The following PIKFYVE variants were observed in gnomAD, a reference collection of about 807,000 sequenced individuals.
PIKFYVE encodes phosphoinositide kinase, FYVE-type zinc finger containing.
PIKFYVE carries 122 observed loss-of-function variants against 257.9 expected under a neutral mutation model. That is an observed-to-expected ratio of 0.47 (90% CI 0.41 to 0.55). PIKFYVE has a LOEUF of 0.55. PIKFYVE is among the 20% of genes least tolerant of loss of function. The pLI, the probability that PIKFYVE is intolerant of heterozygous loss-of-function variation, is 0.00. For missense variants in PIKFYVE, 2,160 were observed against 2,536.6 expected, an observed-to-expected ratio of 0.85 and a Z score of 3.19; for synonymous variants, 892 against 868.9, an observed-to-expected ratio of 1.03 and a Z score of -0.47.
At chr2:208,300,316 A>G (rs1236652019) in intron 8 of PIKFYVE, among the ~76,000 whole-genome samples, 1 of 152,190 alleles carries the variant, frequency 6.6e-6, no homozygotes, top group Non-Finnish European at 1.5e-5. Flanking sequence ...CAGAGGTAAG[A>G]ATAAGCATGA....
chr2:208,317,966 A>C (rs1574600431), intron 16 of PIKFYVE, 25 bp downstream of exon 16: 1 of 1,192,666 alleles, frequency 8.4e-7, no homozygotes, highest in African/African-American at 2.1e-5. Flanking sequence ...TTCAGCAGTG[A>C]AGTTCAGCAA....
intron 21 of PIKFYVE, 85 bp from the exon 22 acceptor site, chr2:208,329,757 A>G: frequency 6.4e-7 from 1 of 1,562,422 alleles, no homozygotes; most frequent in Non-Finnish European, 8.7e-7. Flanking sequence ...CCATACATTT[A>G]ATAGGTAATC....
In PIKFYVE at chr2:208,324,978, C is replaced by T. The variant is rs775049568; in HGVS notation, c.2399C>T (p.Thr800Met). Residue 800 changes from threonine (T) to methionine (M), a missense_variant, in exon 19 of 42, where the codon ACG becomes ATG. Physicochemically the swap from Thr to Met is moderately conservative, Grantham distance 81. Coordinates refer to ENST00000264380, the MANE Select transcript of PIKFYVE (RefSeq NM_015040.4). Reference protein sequence around the residue: ...DLVMSMDQLLTKPHLGTCHKF... With the variant: ...DLVMSMDQLLMKPHLGTCHKF... ...GTGATGTCAATGGACCAGCTGCTTACGAAACCACACCTGGGCACTTGTCAC... is the reference window on the plus strand; with the variant it reads ...GTGATGTCAATGGACCAGCTGCTTATGAAACCACACCTGGGCACTTGTCAC... The T allele has an allele frequency of 1.4e-5, 22 of 1,614,050 alleles. No individual in the cohort carries two copies. The highest frequency in any genetic ancestry group is 4.5e-5 in the East Asian group (2 of 44,872).
Position 208,333,220 on chromosome 2 carries a change from C to T in PIKFYVE, c.3964-95C>T, listed in dbSNP as rs113942951. On this transcript the variant is annotated intron_variant, in intron 23 of 41. Transcript: ENST00000264380. ...CTGCACTCCAGCCTGGGTGACAGAG[C>T]GAGACTCCATCTCAAAAAAAAAAAA... The T allele has an allele frequency of 6.0e-3, 7,647 of 1,277,666 alleles. 323 individuals carry two copies. The African/African-American group carries it at 0.1, about 17-fold the overall frequency. The allele number at this position is 1,277,666 out of a possible 1,614,324, so 79.1% of individuals were successfully genotyped here. A position where few individuals can be genotyped will look rare whatever the true frequency, so the allele number is the denominator to read the frequency against.
chr2:208,269,577 GA>G, intron 1 of PIKFYVE: 1 of 284,742 alleles, frequency 3.5e-6, no homozygotes, highest in Non-Finnish European at 7.1e-6. Flanking sequence ...GCATGGGCAG[GA>G]AAGTCTTGAA....
chr2:208,319,682 A>G (rs1419320093), intron 16 of PIKFYVE, among the ~76,000 whole-genome samples: 1 of 152,206 alleles, frequency 6.6e-6, no homozygotes, highest in Non-Finnish European at 1.5e-5. Context: ...GGCTTTAAGC[A>G]CACGATTAGG....
intron 30 of PIKFYVE, 94 bp downstream of exon 30, chr2:208,339,649 C>T: frequency 6.8e-7 from 1 of 1,466,664 alleles, no homozygotes; most frequent in East Asian, 2.4e-5. Flanking sequence ...TCTCTAAGGA[C>T]AGATATTTGC....
intron 28 of PIKFYVE, among the ~76,000 whole-genome samples, chr2:208,338,219 T>G (rs1369071410): frequency 6.6e-6 from 1 of 152,130 alleles, no homozygotes; most frequent in Non-Finnish European, 1.5e-5. Flanking sequence ...TTTTTTTAAA[T>G]TTTAGAAAAT....
At chr2:208,301,222 T>C in intron 9 of PIKFYVE, 128 bp downstream of exon 9, 1 of 1,209,884 alleles carries the variant, frequency 8.3e-7, no homozygotes, top group Non-Finnish European at 1.2e-6. Context: ...AATTGATGGT[T>C]TAGGGTGCTA....
rs779366449 is a variant in PIKFYVE, at chr2:208,304,955, C to A, written c.1578C>A (p.Phe526Leu). ...SLNVELDNVN[F>L]HIKKPSKYPH... Reference sequence around the variant, plus strand: ...ACGTGGAGCTGGACAACGTGAACTTCCATATCAAGAAGCCCTCCAAGTACC... The same window carrying A: ...ACGTGGAGCTGGACAACGTGAACTTACATATCAAGAAGCCCTCCAAGTACC... The change falls in exon 12 of 42, where the codon TTC (phenylalanine) becomes TTA (leucine). Residue 526 changes from phenylalanine to leucine, a missense_variant. Physicochemically the swap from Phe to Leu is conservative, Grantham distance 22. This residue lies in a region of PIKFYVE where 346 missense variants were observed against 365.6 expected (regional missense o/e 0.95). Coordinates refer to ENST00000264380, the MANE Select transcript of PIKFYVE (RefSeq NM_015040.4). 1 of 1,614,116 alleles carries A rather than the reference C, an allele frequency of 6.2e-7. No individual in the cohort carries two copies. The highest frequency in any genetic ancestry group is 8.5e-7 in the Non-Finnish European group (1 of 1,180,000).
intron 7 of PIKFYVE, among the ~76,000 whole-genome samples, chr2:208,294,267 C>T (rs1425312713): frequency 6.6e-6 from 1 of 151,954 alleles, no homozygotes. Context: ...CTTTTTGCTT[C>T]TTTCTTAGAA....
Position 208,336,716 on chromosome 2 carries a change from A to T in PIKFYVE, c.4521-122A>T, listed in dbSNP as rs181596870. Reference sequence around the variant, plus strand: ...CTCTTATTTATATATAACTTTAAAGACTATGGTAATCCAAATAGGAAAACT... The same window carrying T: ...CTCTTATTTATATATAACTTTAAAGTCTATGGTAATCCAAATAGGAAAACT... On this transcript the variant is annotated intron_variant, in intron 27 of 41. Coordinates refer to ENST00000264380, the MANE Select transcript of PIKFYVE (RefSeq NM_015040.4). 2.2e-5 allele frequency: 14 copies of T among 637,174 alleles called. No individual in the cohort carries two copies. The East Asian group carries it at 4.2e-4, about 19-fold the overall frequency. The allele number at this position is 637,174 out of a possible 1,614,324, so 39.5% of individuals were successfully genotyped here.
In PIKFYVE at chr2:208,354,087, C is replaced by G; in HGVS notation, c.6034C>G (p.His2012Asp). The change falls in exon 40 of 42, where the codon CAC (histidine) becomes GAC (aspartate). Residue 2012 changes from histidine (H) to aspartate (D), a missense_variant. Transcript: ENST00000264380. ...IHSDSHFLSS[H>D]LIIDYSLLVG... The stretch of plus-strand genomic sequence containing the variant: ...TAGTGACTCCCATTTCCTTTCTAGC[C>G]ACCTCATTATAGATTATTCTTTGCT... 2 of 1,613,890 alleles carry G rather than the reference C, an allele frequency of 1.2e-6. No individual in the cohort carries two copies. The highest frequency in any genetic ancestry group is 2.2e-5 in the East Asian group (1 of 44,854).
chr2:208,297,345 C>T (rs1258992581), intron 7 of PIKFYVE, among the ~76,000 whole-genome samples: 1 of 152,156 alleles, frequency 6.6e-6, no homozygotes, highest in Non-Finnish European at 1.5e-5. Context: ...CAAGCTTTCA[C>T]TGAAAGACTA....
intron 15 of PIKFYVE, 106 bp from the exon 16 acceptor site, chr2:208,317,761 A>C: frequency 9.3e-7 from 1 of 1,077,048 alleles, no homozygotes; most frequent in Admixed American, 1.8e-5. Flanking sequence ...TTCTTATTTG[A>C]TTACATAATA....
intron 16 of PIKFYVE, among the ~76,000 whole-genome samples, chr2:208,318,950 C>CAAAA (rs57665157): frequency 1.8e-4 from 20 of 108,282 alleles, no homozygotes; most frequent in African/African-American, 2.2e-4. Flanking sequence ...GACTCCGTCT[C>CAAAA]AAAAAAAAAA....
intron 1 of PIKFYVE, chr2:208,269,729 T>C: frequency 4.0e-6 from 1 of 250,062 alleles, no homozygotes; most frequent in South Asian, 6.2e-5. Context: ...CCCACTCAGT[T>C]AAACAGCTTG....
chr2:208,293,592 A>G (rs1692590577), intron 7 of PIKFYVE, among the ~76,000 whole-genome samples: 1 of 151,902 alleles, frequency 6.6e-6, no homozygotes, highest in Non-Finnish European at 1.5e-5. Flanking sequence ...AACATCTTAA[A>G]TATTTCATTT....
Position 208,356,526 on chromosome 2 carries a change from T to C in PIKFYVE, c.*1221T>C, listed in dbSNP as rs1222833179. On this transcript the variant is annotated 3_prime_UTR_variant, in exon 42 of 42. Coordinates refer to ENST00000264380, the MANE Select transcript of PIKFYVE (RefSeq NM_015040.4). Reference sequence around the variant, plus strand: ...AAAATTAGCTGGGCATGGTGGCATATACCTGTAACCCCAACTACTTGGGTG... The same window carrying C: ...AAAATTAGCTGGGCATGGTGGCATACACCTGTAACCCCAACTACTTGGGTG... 2 of 152,378 alleles carry C rather than the reference T, an allele frequency of 1.3e-5. No individual in the cohort carries two copies. Among genetic ancestry groups the C allele is most frequent in the South Asian group, 2.1e-4 (1 of 4,830 alleles). 9.4% of individuals were successfully genotyped at this position (152,378 alleles called of 1,614,324 possible).
Sources: allele counts gnomAD v4.1 joint callset (sites outside exome capture counted in the v4.1 genomes callset), GRCh38; gene constraint gnomAD v4.1.1; regional missense constraint gnomAD v4.1.1; transcripts MANE v1.5; gene names NCBI Gene and HGNC (gene_info 2026-07-23, HGNC 2026-07-21).